STAG1: variants seen among roughly 807,000 people sequenced by gnomAD.
The protein encoded by STAG1 is cohesin subunit SA-1.
A neutral mutation model predicts 170.9 loss-of-function variants in STAG1; 26 were observed. That is an observed-to-expected ratio of 0.15 (90% CI 0.11 to 0.21). The LOEUF (loss-of-function observed/expected upper bound fraction) is 0.21. Among genes scored for constraint, STAG1 ranks in the 10% least tolerant of loss-of-function variants. The probability of loss-of-function intolerance (pLI) is 1.00; values close to 1 mark genes in which losing one functional copy is unlikely to be tolerated. For missense variants in STAG1, 964 were observed against 1,509.5 expected (o/e 0.64, Z 5.99); for synonymous variants, 514 against 497.7 (o/e 1.03, Z -0.44).
intron 5 of STAG1, among the ~76,000 whole-genome samples, chr3:136,557,677 G>A (rs1936681722): frequency 6.6e-6 from 1 of 151,938 alleles, no homozygotes; most frequent in Non-Finnish European, 1.5e-5. Flanking sequence ...TGAGTAGCTG[G>A]GATTACAAGT....
intron 21 of STAG1, among the ~76,000 whole-genome samples, chr3:136,417,267 T>C (rs1214133958): frequency 6.6e-6 from 1 of 152,194 alleles, no homozygotes; most frequent in African/African-American, 2.4e-5. Flanking sequence ...AGATAACCCC[T>C]AAATATTACC....
intron 9 of STAG1, among the ~76,000 whole-genome samples, chr3:136,484,197 C>T (rs895121124): frequency 6.6e-6 from 1 of 151,352 alleles, no homozygotes; most frequent in Non-Finnish European, 1.5e-5. Context: ...GTTTTTTCCC[C>T]ATCTTTGTGG....
intron 1 of STAG1, among the ~76,000 whole-genome samples, chr3:136,632,653 C>T (rs1420676532): frequency 1.3e-5 from 2 of 151,922 alleles, no homozygotes; most frequent in Non-Finnish European, 2.9e-5. Flanking sequence ...AAATATGTTA[C>T]GGACTAAGGG....
At chr3:136,338,517 G>T in intron 32 of STAG1, 67 bp from the exon 33 acceptor site, 1 of 1,182,706 alleles carries the variant, frequency 8.5e-7, no homozygotes, top group Non-Finnish European at 1.3e-6. Flanking sequence ...GTGATAATCA[G>T]CTAATATTTC....
chr3:136,362,251 G>A (rs560444291), intron 26 of STAG1, among the ~76,000 whole-genome samples: 8 of 152,118 alleles, frequency 5.3e-5, no homozygotes, highest in East Asian at 1.9e-4. Flanking sequence ...GAGCCACTGC[G>A]TCCAGCCTAA....
intron 6 of STAG1, among the ~76,000 whole-genome samples, chr3:136,537,500 T>TA (rs1334648519): frequency 7.0e-6 from 1 of 143,012 alleles, no homozygotes; most frequent in African/African-American, 2.5e-5. Flanking sequence ...GTTTATTTTT[T>TA]TTTTGTTTTT....
intron 1 of STAG1, among the ~76,000 whole-genome samples, chr3:136,713,964 C>T (rs1309202067): frequency 6.6e-6 from 1 of 151,884 alleles, no homozygotes; most frequent in Non-Finnish European, 1.5e-5. Context: ...GCAGAGGTTG[C>T]AGTGAGCCAA....
chr3:136,497,641 C>T (rs1435215022), intron 9 of STAG1, among the ~76,000 whole-genome samples: 1 of 150,888 alleles, frequency 6.6e-6, no homozygotes, highest in African/African-American at 2.4e-5. Flanking sequence ...GAGATCGAGA[C>T]CACCCTGGCT....
intron 7 of STAG1, among the ~76,000 whole-genome samples, chr3:136,507,336 A>G (rs1347771716): frequency 6.6e-6 from 1 of 152,212 alleles, no homozygotes; most frequent in Non-Finnish European, 1.5e-5. Flanking sequence ...GGGTGAAAGA[A>G]TAACATTTCA....
chr3:136,674,954 G>A (rs886258648), intron 1 of STAG1, among the ~76,000 whole-genome samples: 9 of 152,168 alleles, frequency 5.9e-5, no homozygotes, highest in Middle Eastern at 3.4e-3. Flanking sequence ...TTGGGGGTTG[G>A]GGGGAGCCGG....
intron 1 of STAG1, among the ~76,000 whole-genome samples, chr3:136,725,232 A>G (rs570567541): frequency 6.6e-6 from 1 of 152,280 alleles, no homozygotes; most frequent in South Asian, 2.1e-4. Context: ...CTATACATCA[A>G]TATTACCACT....
Position 136,422,407 on chromosome 3 carries a change from G to A in STAG1, c.2037+3C>T. On this transcript the variant is annotated splice_donor_region_variant and intron_variant, in intron 19 of 33. Transcript: ENST00000383202. ...ATATGTACACATTAACTTTAGAACA[G>A]ACCTCTTGCAATAGGTCTTCCACAG... 6.2e-7 allele frequency: 1 copy of A among 1,613,598 alleles called. No individual in the cohort carries two copies.
rs545484870 is a variant in STAG1 at position 136,622,693 on chromosome 3, C to T, written c.132+453G>A. On this transcript the variant is annotated intron_variant, in intron 3 of 33. Coordinates refer to ENST00000383202, the MANE Select transcript of STAG1 (RefSeq NM_005862.3). ...GGGTTTATGCATGCTTAAATTATGACTGATGCTCGTACAATACATTAAGCT... is the reference window on the plus strand; with the variant it reads ...GGGTTTATGCATGCTTAAATTATGATTGATGCTCGTACAATACATTAAGCT... Among the ~76,000 whole-genome samples the T allele has an allele frequency of 2.0e-5, 3 of 152,270 alleles. No homozygotes were observed. The East Asian group carries it at 5.8e-4, about 29-fold the overall frequency.
At chr3:136,614,532 T>C (rs992151016) in intron 3 of STAG1, among the ~76,000 whole-genome samples, 1 of 152,218 alleles carries the variant, frequency 6.6e-6, no homozygotes, top group African/African-American at 2.4e-5. Flanking sequence ...ATATGTTACA[T>C]ATACATAGGA....
chr3:136,390,559 T>TA (rs1164678007), intron 22 of STAG1, among the ~76,000 whole-genome samples: 1 of 152,158 alleles, frequency 6.6e-6, no homozygotes, highest in East Asian at 1.9e-4. Context: ...AGGAAAGGCT[T>TA]AGAACTAACT....
chr3:136,375,956 G>C (rs1937576188), intron 23 of STAG1, among the ~76,000 whole-genome samples: 1 of 130,674 alleles, frequency 7.7e-6, no homozygotes, highest in African/African-American at 3.2e-5. Context: ...GCAACAGTGG[G>C]AGACTCCGTC....
intron 23 of STAG1, among the ~76,000 whole-genome samples, chr3:136,370,930 C>T (rs955310598): frequency 6.0e-4 from 92 of 152,296 alleles, no homozygotes; most frequent in Middle Eastern, 3.4e-3. Context: ...CCTGAGGAAT[C>T]GCCACACTGA....
At chr3:136,405,368 A>G (rs2087451146) in intron 21 of STAG1, among the ~76,000 whole-genome samples, 1 of 148,568 alleles carries the variant, frequency 6.7e-6, no homozygotes, top group Admixed American at 6.9e-5. Context: ...CAGCTTTCCG[A>G]GTAGCTAGGA....
chr3:136,657,519 C>G (rs1046714745), intron 1 of STAG1, among the ~76,000 whole-genome samples: 1 of 152,084 alleles, frequency 6.6e-6, no homozygotes, highest in Non-Finnish European at 1.5e-5. Context: ...TACTCACATG[C>G]ACATAAAAAG....
Sources: allele counts gnomAD v4.1 joint callset (sites outside exome capture counted in the v4.1 genomes callset), GRCh38; gene constraint gnomAD v4.1.1; transcripts MANE v1.5; gene names NCBI Gene and HGNC (gene_info 2026-07-23, HGNC 2026-07-21).